Variants in C1orf21 observed in about 807,000 individuals in gnomAD.
The protein encoded by C1orf21 is chromosome 1 open reading frame 21.
C1orf21 carries 3 observed loss-of-function variants against 18.7 expected under a neutral mutation model. The ratio of observed to expected loss-of-function variants is 0.16; its 90% confidence interval spans 0.07 to 0.42. C1orf21 has a LOEUF of 0.42. Ranked by LOEUF, C1orf21 falls within the 10% of genes least tolerant of loss-of-function variation. C1orf21 has a pLI of 0.99. For missense variants in C1orf21, 104 were observed against 143.6 expected (o/e 0.72, Z 1.41); for synonymous variants, 41 against 46.4 (o/e 0.88, Z 0.47).
intron 3 of C1orf21, among the ~76,000 whole-genome samples, chr1:184,570,257 C>T (rs1287020428): frequency 2.0e-5 from 3 of 151,870 alleles, no homozygotes; most frequent in Admixed American, 6.6e-5. Flanking sequence ...CAAGTTTGCG[C>T]GTATATCCTT....
chr1:184,485,451 A>G (rs1657718930), intron 2 of C1orf21, among the ~76,000 whole-genome samples: 1 of 152,182 alleles, frequency 6.6e-6, no homozygotes, highest in South Asian at 2.1e-4. Context: ...ACATATTTCT[A>G]TTGCACAGTG....
rs1302642428 is a variant in C1orf21 at position 184,443,680 on chromosome 1, C to A, written c.-124-33706C>A. 2.0e-5 allele frequency among the ~76,000 whole-genome samples: 3 copies of A among 152,204 alleles called. No homozygotes were observed. In the South Asian group the frequency reaches 6.2e-4, roughly 32 times the overall value. ...TGATTTATTTCTCTAGGATTCACATCTATCCTCCCTCAAGCCTGCAGGGAC... is the reference window on the plus strand; with the variant it reads ...TGATTTATTTCTCTAGGATTCACATATATCCTCCCTCAAGCCTGCAGGGAC... On this transcript the variant is annotated intron_variant, in intron 1 of 5. Transcript: ENST00000235307.
chr1:184,549,096 T>G (rs952679191), intron 3 of C1orf21, among the ~76,000 whole-genome samples: 1 of 152,148 alleles, frequency 6.6e-6, no homozygotes, highest in Admixed American at 6.6e-5. Flanking sequence ...TACCAGACTG[T>G]CAGAGGAGTA....
chr1:184,423,181 T>C (rs1425769342), intron 1 of C1orf21, among the ~76,000 whole-genome samples: 2 of 152,204 alleles, frequency 1.3e-5, no homozygotes, highest in Non-Finnish European at 2.9e-5. Flanking sequence ...GCTGAATAAC[T>C]GCTGAAAGTC....
intron 1 of C1orf21, among the ~76,000 whole-genome samples, chr1:184,459,593 A>C (rs914981195): frequency 5.3e-5 from 8 of 152,148 alleles, no homozygotes; most frequent in African/African-American, 1.7e-4. Context: ...ACCATCTCTT[A>C]CAGTTTTATG....
chr1:184,567,107 G>A (rs1571280741), intron 3 of C1orf21: 1 of 476,492 alleles, frequency 2.1e-6, no homozygotes, highest in East Asian at 5.5e-5. Flanking sequence ...GTACTATGAA[G>A]TATTCCTTCC....
chr1:184,450,013 C>A (rs567606935), intron 1 of C1orf21, among the ~76,000 whole-genome samples: 1 of 152,094 alleles, frequency 6.6e-6, no homozygotes, highest in African/African-American at 2.4e-5. Flanking sequence ...GAACACAAGA[C>A]GGAGGGAGGT....
chr1:184,523,530 G>A (rs1658335520), intron 3 of C1orf21, among the ~76,000 whole-genome samples: 1 of 152,158 alleles, frequency 6.6e-6, no homozygotes, highest in South Asian at 2.1e-4. Flanking sequence ...GCAATTAAAT[G>A]TGCCATGGTG....
chr1:184,538,273 AATGTCT>A, intron 3 of C1orf21, among the ~76,000 whole-genome samples: 1 of 152,268 alleles, frequency 6.6e-6, no homozygotes, highest in Non-Finnish European at 1.5e-5. Flanking sequence ...TCTTTGGAGA[AATGTCT>A]ATTCAAGTCC....
chr1:184,419,457 T>C (rs74131668), intron 1 of C1orf21, among the ~76,000 whole-genome samples: 5,260 of 152,236 alleles, frequency 0.035, 306 homozygotes, highest in African/African-American at 0.12. Context: ...AAAGGTCTTA[T>C]TCATTCACTC....
At chr1:184,551,001 G>A (rs375631927) in intron 3 of C1orf21, among the ~76,000 whole-genome samples, 8 of 152,158 alleles carry the variant, frequency 5.3e-5, no homozygotes, top group Non-Finnish European at 1.0e-4. Flanking sequence ...AAAGAGCAAC[G>A]AAGAGAAACT....
chr1:184,619,314 A>G (rs4651225), intron 5 of C1orf21, among the ~76,000 whole-genome samples: 26,517 of 152,182 alleles, frequency 0.17, 2,583 homozygotes, highest in East Asian at 0.33. Flanking sequence ...GCTTGGTAAA[A>G]CTGTCATGCC....
intron 3 of C1orf21, among the ~76,000 whole-genome samples, chr1:184,553,131 T>G (rs188884578): frequency 6.6e-6 from 1 of 152,290 alleles, no homozygotes; most frequent in East Asian, 1.9e-4. Context: ...TAATACAATC[T>G]GGGTACGACT....
In C1orf21 at chr1:184,513,250, A is replaced by G. The variant is rs541213901; in HGVS notation, c.189+5568A>G. On this transcript the variant is annotated intron_variant, in intron 3 of 5. Coordinates refer to ENST00000235307, the MANE Select transcript of C1orf21 (RefSeq NM_030806.4). ...GGGAGGGAAAGCAAAAGCTATGAAG[A>G]AAAAGCTTTCTTTCATTACATTGAA... 3.3e-4 allele frequency among the ~76,000 whole-genome samples: 50 copies of G among 152,340 alleles called. 1 individual carries two copies. The South Asian group carries it at 4.4e-3, about 13-fold the overall frequency.
chr1:184,430,160 T>C (rs937626605), intron 1 of C1orf21, among the ~76,000 whole-genome samples: 4 of 151,758 alleles, frequency 2.6e-5, no homozygotes, highest in Non-Finnish European at 5.9e-5. Flanking sequence ...AATTCACATT[T>C]AACTGGGGAG....
intron 2 of C1orf21, among the ~76,000 whole-genome samples, chr1:184,484,921 T>TGTGA (rs1553252553): frequency 6.8e-6 from 1 of 148,028 alleles, no homozygotes; most frequent in African/African-American, 2.5e-5. Context: ...TGTGTGTGTG[T>TGTGA]GATGGTGTTA....
chr1:184,398,604 A>G (rs1656100766), intron 1 of C1orf21, among the ~76,000 whole-genome samples: 1 of 152,228 alleles, frequency 6.6e-6, no homozygotes, highest in African/African-American at 2.4e-5. Context: ...TTGTGCATAC[A>G]TCATAGAGTG....
At chr1:184,475,925 T>G (rs979933456) in intron 1 of C1orf21, among the ~76,000 whole-genome samples, 14 of 152,148 alleles carry the variant, frequency 9.2e-5, no homozygotes, top group African/African-American at 3.4e-4. Flanking sequence ...AACTCTACAC[T>G]TCCTATTAAT....
rs144740524 is a variant in C1orf21 at position 184,506,015 on chromosome 1, A to G, written c.95-1573A>G. On this transcript the variant is annotated intron_variant, in intron 2 of 5. Transcript: ENST00000235307. ...TTGTCAGTATTATTAATTTACATTCATTTTTGTCTCTTCGAAATACCAAGT... is the reference window on the plus strand; with the variant it reads ...TTGTCAGTATTATTAATTTACATTCGTTTTTGTCTCTTCGAAATACCAAGT... Among the ~76,000 whole-genome samples, 60 of 151,992 alleles carry G rather than the reference A, an allele frequency of 3.9e-4. No homozygotes were observed. In the East Asian group the frequency reaches 0.01, roughly 26 times the overall value.
Sources: allele counts gnomAD v4.1 joint callset (sites outside exome capture counted in the v4.1 genomes callset), GRCh38; gene constraint gnomAD v4.1.1; transcripts MANE v1.5; gene names NCBI Gene and HGNC (gene_info 2026-07-23, HGNC 2026-07-21).